ARID1B: variants seen among roughly 807,000 people sequenced by gnomAD.
The protein encoded by ARID1B is AT-rich interactive domain-containing protein 1B.
In ARID1B, 30 loss-of-function variants were observed where a neutral mutation model predicts 212.3. That is an observed-to-expected ratio of 0.14 (90% CI 0.11 to 0.19). ARID1B has a LOEUF of 0.19. ARID1B is among the 10% of genes least tolerant of loss of function. The pLI is 1.00. For synonymous variants in ARID1B, 1,402 were observed against 1,301.7 expected (o/e 1.08, Z -1.66); for missense variants, 2,891 against 3,204.0 (o/e 0.90, Z 2.36).
intron 2 of ARID1B, among the ~76,000 whole-genome samples, chr6:156,872,786 C>G (rs376900642): frequency 1.3e-5 from 2 of 151,070 alleles, no homozygotes; most frequent in South Asian, 2.1e-4. Flanking sequence ...CTGCTGCCCC[C>G]ACGCTGTGGA....
chr6:156,829,347 C>G lies in ARID1B; in HGVS notation c.1912C>G (p.Pro638Ala), dbSNP rs1165021634. Reference sequence around the variant, plus strand: ...AGGAGGTTCCTATGGCCCTCCAGGCCCACAGCGGTATCCAATTGGCATCCA... The same window carrying G: ...AGGAGGTTCCTATGGCCCTCCAGGCGCACAGCGGTATCCAATTGGCATCCA... ...YPGGSYGPPG[P>A]QRYPIGIQGR... is the part of the protein sequence containing the mutation. The change falls in exon 2 of 20, where the codon CCA (proline) becomes GCA (alanine). Residue 638 changes from proline (P) to alanine (A), a missense_variant. Physicochemically the swap from Pro to Ala is conservative, Grantham distance 27. Transcript: ENST00000636930. 5.6e-6 allele frequency: 9 copies of G among 1,614,100 alleles called. No individual in the cohort carries two copies. The Admixed American group carries it at 1.5e-4, about 27-fold the overall frequency.
At chr6:156,879,207 G>C (rs1202444811) in intron 2 of ARID1B, among the ~76,000 whole-genome samples, 2 of 152,238 alleles carry the variant, frequency 1.3e-5, no homozygotes, top group East Asian at 3.8e-4. Context: ...CTGGTTCTGC[G>C]AGGGCTAATT....
At chr6:156,993,036 A>T (rs551872127) in intron 4 of ARID1B, among the ~76,000 whole-genome samples, 1 of 147,606 alleles carries the variant, frequency 6.8e-6, no homozygotes, top group African/African-American at 2.5e-5. Flanking sequence ...TTGTATATAT[A>T]TGCTTTCGCT....
At chr6:157,123,231 G>GCC (rs1562637014) in intron 6 of ARID1B, among the ~76,000 whole-genome samples, 1 of 29,904 alleles carries the variant, frequency 3.3e-5, no homozygotes. Context: ...TCTCCCCCCC[G>GCC]CCCCCCGCCC....
At position 157,210,071 on chromosome 6, in the gene ARID1B, G is replaced by A. The variant is rs1047408323; in HGVS notation, c.*2180G>A. 8.6e-5 allele frequency: 20 copies of A among 232,846 alleles called. No individual in the cohort carries two copies. The highest frequency in any genetic ancestry group is 1.7e-4 in the Admixed American group (3 of 17,768). 14.4% of individuals were successfully genotyped at this position (232,846 alleles called of 1,614,324 possible). On this transcript the variant is annotated 3_prime_UTR_variant, in exon 20 of 20. Coordinates refer to ENST00000636930, the MANE Select transcript of ARID1B (RefSeq NM_001374828.1). ...CATGCAGTTACAGTCATTGTGAGAC[G>A]TGACTCTCCAGTGTCACGAGGAAAA...
intron 4 of ARID1B, chr6:156,977,067 T>G: frequency 2.5e-6 from 1 of 403,516 alleles, no homozygotes; most frequent in Admixed American, 3.0e-5. Context: ...GGAATTCTTT[T>G]TCTAGGGATG....
intron 4 of ARID1B, chr6:156,984,668 TCTTA>T (rs1434408110): frequency 1.3e-5 from 2 of 152,096 alleles, no homozygotes; most frequent in Non-Finnish European, 2.9e-5. Context: ...AAATGGAGTT[TCTTA>T]CTTTTCTTTC....
intron 1 of ARID1B, among the ~76,000 whole-genome samples, chr6:156,820,371 T>G (rs185663569): frequency 4.5e-4 from 68 of 152,306 alleles, no homozygotes; most frequent in Non-Finnish European, 7.6e-4. Context: ...TCAACAAATG[T>G]TAATTATGCC....
chr6:157,039,882 TCTTC>T (rs146558678), intron 4 of ARID1B, among the ~76,000 whole-genome samples: 2,959 of 67,244 alleles, frequency 0.044, 83 homozygotes, highest in Middle Eastern at 0.12. Context: ...CTTTCTTTTC[TCTTC>T]CTTCCTTCCT....
At chr6:157,016,746 A>G (rs1165873017) in intron 4 of ARID1B, among the ~76,000 whole-genome samples, 3 of 152,260 alleles carry the variant, frequency 2.0e-5, no homozygotes, top group Non-Finnish European at 4.4e-5. Context: ...ACTTGGGTAA[A>G]TAATGATATT....
At position 157,058,304 on chromosome 6, in the gene ARID1B, G is replaced by A. The variant is rs896931901; in HGVS notation, c.2248-26358G>A. ...TTTTGAGACGAAGTCTCACTCTGTT[G>A]CCCAAGCTGGAGTGCAGTGGTAGGA... On this transcript the variant is annotated intron_variant, in intron 4 of 19. Transcript: ENST00000636930. Among the ~76,000 whole-genome samples the A allele has an allele frequency of 2.1e-5, 3 of 142,602 alleles. No homozygotes were observed. The Admixed American group carries it at 2.1e-4, about 10-fold the overall frequency. 93.6% of individuals were successfully genotyped at this position (142,602 alleles called of 152,430 possible).
At chr6:156,897,536 A>C (rs977146833) in intron 2 of ARID1B, among the ~76,000 whole-genome samples, 1 of 151,950 alleles carries the variant, frequency 6.6e-6, no homozygotes, top group Admixed American at 6.6e-5. Flanking sequence ...GGCCTCCCAA[A>C]GTGCTGGGAT....
intron 6 of ARID1B, among the ~76,000 whole-genome samples, chr6:157,118,035 G>A (rs1015552697): frequency 2.0e-5 from 3 of 152,164 alleles, no homozygotes; most frequent in Non-Finnish European, 4.4e-5. Flanking sequence ...ATAGAAATAT[G>A]TAAAATTTTG....
chr6:157,151,079 A>G (rs1157224644), intron 8 of ARID1B: 1 of 154,622 alleles, frequency 6.5e-6, no homozygotes, highest in Non-Finnish European at 1.4e-5. Flanking sequence ...GGAAACCCGC[A>G]TGCGTCCTCA....
At chr6:156,817,820 A>G (rs1562408203) in intron 1 of ARID1B, among the ~76,000 whole-genome samples, 1 of 152,114 alleles carries the variant, frequency 6.6e-6, no homozygotes, top group Non-Finnish European at 1.5e-5. Context: ...TCATTTATTT[A>G]TAATGCATTT....
chr6:156,881,819 A>G (rs1787123074), intron 2 of ARID1B, among the ~76,000 whole-genome samples: 1 of 152,208 alleles, frequency 6.6e-6, no homozygotes, highest in Non-Finnish European at 1.5e-5. Flanking sequence ...TAATAAGGCG[A>G]AGATGTGTTC....
intron 6 of ARID1B, chr6:157,110,883 A>G (rs1786857425): frequency 2.7e-6 from 1 of 373,850 alleles, no homozygotes; most frequent in Admixed American, 3.7e-5. Context: ...TGAATGACTC[A>G]ACTAGGGTAT....
intron 2 of ARID1B, among the ~76,000 whole-genome samples, chr6:156,895,020 C>T (rs1187668156): frequency 6.6e-6 from 1 of 152,120 alleles, no homozygotes; most frequent in African/African-American, 2.4e-5. Flanking sequence ...GTGGACTGTC[C>T]AGTGGTGTGG....
At chr6:156,872,093 T>C (rs1786178130) in intron 2 of ARID1B, among the ~76,000 whole-genome samples, 1 of 152,216 alleles carries the variant, frequency 6.6e-6, no homozygotes, top group African/African-American at 2.4e-5. Context: ...TAAAATAAAA[T>C]AGACTGGATT....
Sources: gnomAD v4.1 joint callset for allele counts (sites outside exome capture counted in the v4.1 genomes callset) on GRCh38, gnomAD v4.1.1 for gene constraint, MANE v1.5 for transcripts, NCBI Gene and HGNC (gene_info 2026-07-23, HGNC 2026-07-21) for gene names.